ROBO2: variants seen among roughly 807,000 people sequenced by gnomAD.
ROBO2 encodes roundabout guidance receptor 2, also known as roundabout homolog 2.
ROBO2 carries 53 observed loss-of-function variants against 160.8 expected under a neutral mutation model. The ratio of observed to expected loss-of-function variants is 0.33; its 90% CI spans 0.26 to 0.41. The LOEUF is 0.41. Among genes scored for constraint, ROBO2 ranks in the 10% least tolerant of loss-of-function variants. ROBO2 has a pLI of 1.00. For synonymous variants in ROBO2, 664 were observed against 611.7 expected, an observed-to-expected ratio of 1.09 and a Z score of -1.26; for missense variants, 1,577 against 1,722.4, an observed-to-expected ratio of 0.92 and a Z score of 1.49.
At chr3:76,306,403 A>G in intron 2 of ROBO2, among the ~76,000 whole-genome samples, 1 of 152,234 alleles carries the variant, frequency 6.6e-6, no homozygotes, top group Non-Finnish European at 1.5e-5. Flanking sequence ...AGTAAAAATT[A>G]TATCCTTATT....
intron 2 of ROBO2, among the ~76,000 whole-genome samples, chr3:76,884,485 C>T (rs187184281): frequency 4.5e-4 from 69 of 152,210 alleles, no homozygotes; most frequent in African/African-American, 1.4e-3. Context: ...TGCAGAGAAA[C>T]GCAGCAGAGA....
At chr3:76,048,266 G>C (rs2067515413) in intron 2 of ROBO2, among the ~76,000 whole-genome samples, 1 of 152,144 alleles carries the variant, frequency 6.6e-6, no homozygotes, top group African/African-American at 2.4e-5. Flanking sequence ...GTTTGGCAAA[G>C]CTCTATCTTC....
intron 2 of ROBO2, among the ~76,000 whole-genome samples, chr3:76,331,882 C>A (rs1304920742): frequency 6.6e-6 from 1 of 151,894 alleles, no homozygotes; most frequent in Non-Finnish European, 1.5e-5. Flanking sequence ...CGGAGTTTCA[C>A]TATATCGGTC....
chr3:77,318,965 A>G (rs892457725), intron 2 of ROBO2, among the ~76,000 whole-genome samples: 1 of 152,172 alleles, frequency 6.6e-6, no homozygotes, highest in African/African-American at 2.4e-5. Context: ...TCCATCTTCT[A>G]TCAAAGTCTC....
At chr3:76,203,937 C>T (rs960878918) in intron 2 of ROBO2, among the ~76,000 whole-genome samples, 7 of 152,288 alleles carry the variant, frequency 4.6e-5, no homozygotes, top group Admixed American at 3.3e-4. Context: ...TGTTCCTGCC[C>T]GCAGTACTGA....
At chr3:76,720,234 A>G (rs774747232) in intron 2 of ROBO2, among the ~76,000 whole-genome samples, 2 of 152,122 alleles carry the variant, frequency 1.3e-5, no homozygotes, top group African/African-American at 2.4e-5. Flanking sequence ...CTCAGCAGAC[A>G]CTAAATTTGC....
At chr3:76,175,467 G>T (rs2073196097) in intron 2 of ROBO2, among the ~76,000 whole-genome samples, 1 of 151,956 alleles carries the variant, frequency 6.6e-6, no homozygotes, top group Non-Finnish European at 1.5e-5. Flanking sequence ...TTAGCTTATA[G>T]AATAAAATTT....
chr3:76,549,012 T>TA lies in ROBO2; in HGVS notation c.110-549001dup, dbSNP rs537948830. ...TTATATATAATTATTATTGTAGAGA[T>TA]AGAGTATCACACTAATAAATTTTCA... On this transcript the variant is annotated intron_variant, in intron 2 of 26. Coordinates refer to the ROBO2 transcript ENST00000487694. Among the ~76,000 whole-genome samples, 5 of 152,238 alleles carry TA rather than the reference T, an allele frequency of 3.3e-5. No homozygotes were observed. In the South Asian group the frequency reaches 1.0e-3, roughly 32 times the overall value.
At chr3:77,238,727 T>A (rs758666473) in intron 2 of ROBO2, among the ~76,000 whole-genome samples, 7 of 152,186 alleles carry the variant, frequency 4.6e-5, no homozygotes, top group Non-Finnish European at 1.0e-4. Flanking sequence ...TAAATATAAT[T>A]TGTATGAGTT....
chr3:77,353,866 G>A (rs1370108662), intron 2 of ROBO2, among the ~76,000 whole-genome samples: 1 of 152,110 alleles, frequency 6.6e-6, no homozygotes, highest in Admixed American at 6.6e-5. Flanking sequence ...ACATGCAATG[G>A]AAAATATTGA....
At chr3:77,649,902 A>C (rs1297345442) in exon 26 of ROBO2, 1 of 152,132 alleles carries the variant, frequency 6.6e-6, no homozygotes, top group Non-Finnish European at 1.5e-5. Flanking sequence ...GGTTAATAGT[A>C]TTGTCAAAGA....
At chr3:77,232,076 C>T (rs59367365) in intron 2 of ROBO2, among the ~76,000 whole-genome samples, 152 of 152,212 alleles carry the variant, frequency 1.0e-3, no homozygotes, top group African/African-American at 3.4e-3. Context: ...CTTTTCATCG[C>T]TATTTATTAC....
chr3:75,912,521 C>G (rs1050298951), intron 1 of ROBO2, among the ~76,000 whole-genome samples: 1 of 152,116 alleles, frequency 6.6e-6, no homozygotes, highest in Non-Finnish European at 1.5e-5. Flanking sequence ...TGGTGGTATT[C>G]TTGAGAAGTA....
intron 2 of ROBO2, among the ~76,000 whole-genome samples, chr3:76,914,695 A>G (rs908060510): frequency 6.6e-6 from 1 of 152,164 alleles, no homozygotes; most frequent in South Asian, 2.1e-4. Flanking sequence ...ATACATATCA[A>G]TATACAGATA....
chr3:76,115,240 T>C (rs955291882), intron 2 of ROBO2, among the ~76,000 whole-genome samples: 1 of 152,122 alleles, frequency 6.6e-6, no homozygotes, highest in African/African-American at 2.4e-5. Flanking sequence ...CTACTTCTAA[T>C]AAATTCCCCT....
intron 2 of ROBO2, among the ~76,000 whole-genome samples, chr3:76,443,845 G>T (rs796126651): frequency 3.3e-5 from 5 of 152,106 alleles, no homozygotes; most frequent in African/African-American, 1.2e-4. Context: ...AACTTCTGCT[G>T]GTCTTTTCTG....
intron 2 of ROBO2, among the ~76,000 whole-genome samples, chr3:76,090,576 A>G (rs772593983): frequency 7.9e-5 from 12 of 152,244 alleles, no homozygotes; most frequent in Middle Eastern, 3.2e-3. Context: ...AAGTTATTCT[A>G]TAGATATCAA....
intron 2 of ROBO2, among the ~76,000 whole-genome samples, chr3:76,931,555 A>ACAC: frequency 6.6e-6 from 1 of 151,816 alleles, no homozygotes; most frequent in East Asian, 1.9e-4. Flanking sequence ...TATAAGACAC[A>ACAC]TACACACACA....
chr3:75,997,746 G>A (rs2065773499), intron 2 of ROBO2, among the ~76,000 whole-genome samples: 1 of 151,980 alleles, frequency 6.6e-6, no homozygotes, highest in African/African-American at 2.4e-5. Flanking sequence ...GCCCACCTTG[G>A]CCTCCCAAAG....
Sources: allele counts gnomAD v4.1 joint callset (sites outside exome capture counted in the v4.1 genomes callset), GRCh38; gene constraint gnomAD v4.1.1; transcripts MANE v1.5; gene names NCBI Gene and HGNC (gene_info 2026-07-23, HGNC 2026-07-21).